The following SH2D4B variants were observed in gnomAD, a reference collection of about 807,000 sequenced individuals.
SH2D4B encodes the protein SH2 domain-containing protein 4B.
Under a neutral mutation model 61.5 loss-of-function variants are expected in SH2D4B, and 45 were observed. The ratio of observed to expected loss-of-function variants is 0.73; its 90% CI spans 0.58 to 0.94. SH2D4B has a LOEUF of 0.94. SH2D4B is among the 40% of genes least tolerant of loss of function. The pLI is 0.00. For synonymous variants in SH2D4B, 224 were observed against 220.4 expected, an observed-to-expected ratio of 1.02 and a Z score of -0.14; for missense variants, 572 against 574.2, an observed-to-expected ratio of 1.00 and a Z score of 0.04.
intron 6 of SH2D4B, among the ~76,000 whole-genome samples, chr10:80,629,427 C>T (rs1159153973): frequency 6.6e-6 from 1 of 152,224 alleles, no homozygotes; most frequent in Non-Finnish European, 1.5e-5. Context: ...AGGGGACACA[C>T]ATCCAAACTA....
intron 6 of SH2D4B, among the ~76,000 whole-genome samples, chr10:80,623,310 T>C (rs1842736906): frequency 6.6e-6 from 1 of 152,234 alleles, no homozygotes; most frequent in African/African-American, 2.4e-5. Flanking sequence ...TTGGTGTCTG[T>C]GAGGGCTCAG....
At chr10:80,633,272 A>G (rs915870592) in intron 6 of SH2D4B, among the ~76,000 whole-genome samples, 1 of 152,140 alleles carries the variant, frequency 6.6e-6, no homozygotes, top group African/African-American at 2.4e-5. Context: ...CAAAGGGACA[A>G]TGTGTTGCAA....
At chr10:80,590,871 C>T (rs1191596888) in intron 4 of SH2D4B, among the ~76,000 whole-genome samples, 1 of 151,878 alleles carries the variant, frequency 6.6e-6, no homozygotes, top group Non-Finnish European at 1.5e-5. Flanking sequence ...GCAGTTACTC[C>T]TTCCCCCACC....
chr10:80,544,717 G>A (rs1841645681), intron 1 of SH2D4B, among the ~76,000 whole-genome samples: 1 of 152,328 alleles, frequency 6.6e-6, no homozygotes, highest in African/African-American at 2.4e-5. Context: ...TGCAGTCCCT[G>A]CCCACCCTAC....
rs767400817 is a variant in SH2D4B, at chr10:80,634,521, A to T, written c.1209+16A>T. 5 of 1,547,190 alleles carry T rather than the reference A, an allele frequency of 3.2e-6. No individual in the cohort carries two copies. Among genetic ancestry groups the T allele is most frequent in the South Asian group, 2.4e-5 (2 of 83,896 alleles). ...TTTCCATAAGGTATCCCTCACAGGG[A>T]TACTAATGGGGGGGAGGGGGAACTG... is the stretch of plus-strand genomic sequence containing the variant. On this transcript the variant is annotated intron_variant, in intron 7 of 7. Coordinates refer to ENST00000646907, the MANE Select transcript of SH2D4B (RefSeq NM_001388272.1).
At chr10:80,639,168 T>C (rs1840243732) in intron 7 of SH2D4B, among the ~76,000 whole-genome samples, 2 of 152,248 alleles carry the variant, frequency 1.3e-5, no homozygotes, top group Non-Finnish European at 2.9e-5. Flanking sequence ...TTGTGATTTC[T>C]GTTCTTTTAC....
intron 6 of SH2D4B, among the ~76,000 whole-genome samples, chr10:80,630,318 A>C (rs1489957484): frequency 6.6e-6 from 1 of 152,176 alleles, no homozygotes; most frequent in Non-Finnish European, 1.5e-5. Context: ...CCTGAAGGGC[A>C]TGATGCTGCT....
intron 3 of SH2D4B, among the ~76,000 whole-genome samples, chr10:80,581,139 A>T (rs529245747): frequency 2.2e-4 from 33 of 152,252 alleles, no homozygotes; most frequent in African/African-American, 7.7e-4. Context: ...TTCCTCTGAG[A>T]TGGGCGGTTG....
intron 7 of SH2D4B, among the ~76,000 whole-genome samples, chr10:80,639,716 G>A (rs1174541001): frequency 1.3e-5 from 2 of 152,166 alleles, no homozygotes; most frequent in East Asian, 3.9e-4. Context: ...CACACTGATG[G>A]GTCTTGATCT....
chr10:80,585,145 A>T (rs932221604), intron 3 of SH2D4B, among the ~76,000 whole-genome samples: 1 of 152,186 alleles, frequency 6.6e-6, no homozygotes, highest in Non-Finnish European at 1.5e-5. Context: ...TGGGACAGAA[A>T]TGGGAAATTT....
At chr10:80,643,230 GTTCT>G (rs1163746561) in intron 7 of SH2D4B, among the ~76,000 whole-genome samples, 2 of 149,820 alleles carry the variant, frequency 1.3e-5, no homozygotes, top group South Asian at 2.1e-4. Flanking sequence ...TGGTTTCCAG[GTTCT>G]TTAAGTGGTT....
At chr10:80,586,236 C>T (rs1309291931) in intron 3 of SH2D4B, among the ~76,000 whole-genome samples, 2 of 152,188 alleles carry the variant, frequency 1.3e-5, no homozygotes, top group Non-Finnish European at 2.9e-5. Flanking sequence ...TCCCATCAAC[C>T]ACCCAAGAGC....
At chr10:80,609,317 C>T (rs1291044655) in intron 5 of SH2D4B, 107 bp from the exon 6 acceptor site, 15 of 1,090,366 alleles carry the variant, frequency 1.4e-5, no homozygotes, top group Non-Finnish European at 1.9e-5. Context: ...TCCTCCTCCT[C>T]CTTTTACCTT....
At chr10:80,564,804 A>G (rs1013676596) in intron 1 of SH2D4B, among the ~76,000 whole-genome samples, 5 of 152,256 alleles carry the variant, frequency 3.3e-5, no homozygotes, top group Non-Finnish European at 5.9e-5. Context: ...TAGTAACATA[A>G]CCATTAATTT....
At chr10:80,559,300 T>C (rs901040375) in intron 1 of SH2D4B, among the ~76,000 whole-genome samples, 1 of 152,212 alleles carries the variant, frequency 6.6e-6, no homozygotes, top group Non-Finnish European at 1.5e-5. Context: ...GCTTTTAAAA[T>C]TTCTCATTAT....
chr10:80,611,175 C>CA (rs35997031), intron 6 of SH2D4B, among the ~76,000 whole-genome samples: 1,650 of 45,044 alleles, frequency 0.037, 264 homozygotes, highest in Non-Finnish European at 0.049. Context: ...GACTCAGTCT[C>CA]AAAAAAAAAA....
intron 1 of SH2D4B, among the ~76,000 whole-genome samples, chr10:80,569,690 C>A (rs111592385): frequency 7.9e-5 from 12 of 151,692 alleles, no homozygotes; most frequent in Non-Finnish European, 1.0e-4. Flanking sequence ...CCCTCTTTGT[C>A]TCCTGGGGGG....
chr10:80,610,115 C>T (rs1842578386), intron 6 of SH2D4B, among the ~76,000 whole-genome samples: 1 of 152,186 alleles, frequency 6.6e-6, no homozygotes, highest in Non-Finnish European at 1.5e-5. Context: ...ACCTTTTGTG[C>T]TTGCCGTGGC....
chr10:80,574,974 T>TA (rs1159258446), intron 3 of SH2D4B, among the ~76,000 whole-genome samples: 1 of 152,080 alleles, frequency 6.6e-6, no homozygotes, highest in Non-Finnish European at 1.5e-5. Context: ...GTGCTGGGAT[T>TA]ACAGGCATGA....
Sources: gnomAD v4.1 joint callset for allele counts (sites outside exome capture counted in the v4.1 genomes callset) on GRCh38, gnomAD v4.1.1 for gene constraint, MANE v1.5 for transcripts, NCBI Gene and HGNC (gene_info 2026-07-23, HGNC 2026-07-21) for gene names.